ATXN7L1: variants seen among roughly 807,000 people sequenced by gnomAD.
ATXN7L1 encodes ataxin-7-like protein 1.
Under a neutral mutation model 70.8 loss-of-function variants are expected in ATXN7L1, and 15 were observed. The observed-to-expected ratio is 0.21, with a 90% confidence interval of 0.14 to 0.33. The LOEUF (loss-of-function observed/expected upper bound fraction) is 0.33. ATXN7L1 is among the 10% of genes least tolerant of loss of function. ATXN7L1 has a pLI of 1.00. For missense variants in ATXN7L1, 975 were observed against 1,097.1 expected (o/e 0.89, Z 1.57); for synonymous variants, 440 against 445.1 (o/e 0.99, Z 0.14).
chr7:105,704,540 C>T (rs936638315), intron 3 of ATXN7L1, among the ~76,000 whole-genome samples: 2 of 151,626 alleles, frequency 1.3e-5, no homozygotes, highest in African/African-American at 4.8e-5. Flanking sequence ...TATCATCACC[C>T]CCATGTTTGG....
At chr7:105,767,986 T>C (rs1434379510) in intron 3 of ATXN7L1, among the ~76,000 whole-genome samples, 1 of 152,234 alleles carries the variant, frequency 6.6e-6, no homozygotes, top group African/African-American at 2.4e-5. Context: ...GCCAGACGTC[T>C]AAACGTTTGT....
At chr7:105,705,533 C>T (rs976860662) in intron 3 of ATXN7L1, among the ~76,000 whole-genome samples, 9 of 152,130 alleles carry the variant, frequency 5.9e-5, no homozygotes, top group Non-Finnish European at 1.5e-5. Context: ...AGGGCCTCTC[C>T]TATCTTTGAG....
At chr7:105,681,881 T>A (rs1234969532) in intron 3 of ATXN7L1, among the ~76,000 whole-genome samples, 1 of 151,870 alleles carries the variant, frequency 6.6e-6, no homozygotes, top group East Asian at 1.9e-4. Flanking sequence ...GGAGGAGGAA[T>A]GGGGAGTTAT....
chr7:105,645,295 A>G (rs915853704), intron 4 of ATXN7L1, among the ~76,000 whole-genome samples: 1 of 152,246 alleles, frequency 6.6e-6, no homozygotes, highest in Non-Finnish European at 1.5e-5. Flanking sequence ...TTTTACATGT[A>G]CAAACTAAAA....
At chr7:105,848,609 T>C (rs1237519254) in intron 2 of ATXN7L1, among the ~76,000 whole-genome samples, 1 of 152,174 alleles carries the variant, frequency 6.6e-6, no homozygotes, top group Non-Finnish European at 1.5e-5. Flanking sequence ...CCCATTTTTG[T>C]AAGTTACAGG....
intron 7 of ATXN7L1, among the ~76,000 whole-genome samples, chr7:105,635,844 G>GT (rs202036365): frequency 0.038 from 5,342 of 140,072 alleles, 134 homozygotes; most frequent in East Asian, 0.12. Context: ...ATGTGCGATA[G>GT]TTTTTTTTTT....
intron 2 of ATXN7L1, among the ~76,000 whole-genome samples, chr7:105,848,253 GGGAAAACA>G (rs1814356746): frequency 6.6e-6 from 1 of 152,122 alleles, no homozygotes; most frequent in South Asian, 2.1e-4. Context: ...GGCCAGAGTT[GGGAAAACA>G]GCCACTCTCA....
intron 3 of ATXN7L1, among the ~76,000 whole-genome samples, chr7:105,677,195 T>C (rs537940525): frequency 1.8e-4 from 28 of 152,348 alleles, no homozygotes; most frequent in African/African-American, 6.5e-4. Flanking sequence ...GTGATTTTCA[T>C]GCTCCATGAG....
chr7:105,664,359 C>A (rs895456506), intron 4 of ATXN7L1, among the ~76,000 whole-genome samples: 2 of 151,462 alleles, frequency 1.3e-5, no homozygotes. Flanking sequence ...TTCTTAGACA[C>A]AACTTGGCTC....
At chr7:105,828,003 A>G (rs1314259001) in intron 2 of ATXN7L1, among the ~76,000 whole-genome samples, 2 of 151,766 alleles carry the variant, frequency 1.3e-5, no homozygotes, top group Non-Finnish European at 2.9e-5. Context: ...AATTTAGGGG[A>G]AAAAAAACAA....
At chr7:105,666,670 G>T (rs903004046) in intron 3 of ATXN7L1, among the ~76,000 whole-genome samples, 2 of 152,182 alleles carry the variant, frequency 1.3e-5, no homozygotes, top group African/African-American at 4.8e-5. Context: ...CAATTGCTGG[G>T]TTTCTTTGCT....
intron 2 of ATXN7L1, among the ~76,000 whole-genome samples, chr7:105,858,597 CA>C (rs1816080959): frequency 6.6e-6 from 1 of 152,180 alleles, no homozygotes; most frequent in Admixed American, 6.5e-5. Context: ...ACAACGTTTG[CA>C]ATGGGCAGCA....
intron 3 of ATXN7L1, chr7:105,678,101 T>C (rs1804990336): frequency 1.2e-6 from 1 of 822,670 alleles, no homozygotes; most frequent in Non-Finnish European, 1.5e-6. Context: ...ACTTTTTTTT[T>C]TTTTTTTTCC....
chr7:105,786,908 C>T (rs918070415), intron 3 of ATXN7L1, among the ~76,000 whole-genome samples: 6 of 152,196 alleles, frequency 3.9e-5, no homozygotes, highest in Non-Finnish European at 5.9e-5. Flanking sequence ...GAATGAAAAT[C>T]ATATTCAGGA....
At chr7:105,610,649 G>A in intron 10 of ATXN7L1, 46 bp from the exon 11 acceptor site, 1 of 1,506,460 alleles carries the variant, frequency 6.6e-7, no homozygotes. Flanking sequence ...GAGCCAGCCT[G>A]GGAAGGGCCC....
At chr7:105,672,722 A>C (rs1172835158) in intron 3 of ATXN7L1, among the ~76,000 whole-genome samples, 1 of 152,180 alleles carries the variant, frequency 6.6e-6, no homozygotes, top group Non-Finnish European at 1.5e-5. Context: ...AATCTGAAAG[A>C]GCCAGCGGGA....
At chr7:105,841,372 C>T (rs1385200016) in intron 2 of ATXN7L1, among the ~76,000 whole-genome samples, 2 of 152,232 alleles carry the variant, frequency 1.3e-5, no homozygotes, top group African/African-American at 4.8e-5. Flanking sequence ...CTTGCTTATC[C>T]ACGGTTTCAC....
At chr7:105,848,370 C>T (rs1814377003) in intron 2 of ATXN7L1, among the ~76,000 whole-genome samples, 1 of 152,160 alleles carries the variant, frequency 6.6e-6, no homozygotes, top group African/African-American at 2.4e-5. Flanking sequence ...TTAGACTCAG[C>T]ATTCCACTTC....
In ATXN7L1 at chr7:105,865,591, T is replaced by C. The variant is rs544312370; in HGVS notation, c.250+10221A>G. On this transcript the variant is annotated intron_variant, in intron 2 of 11. Transcript: ENST00000419735. ...TAATTTTTTGTATTTTGAGTAGAGA[T>C]GGGGTTTCACCGTGTTAGCCAGGAT... Among the ~76,000 whole-genome samples the C allele has an allele frequency of 3.9e-5, 6 of 152,176 alleles. No homozygotes were observed. In the East Asian group the frequency reaches 5.8e-4, roughly 15 times the overall value.
Sources: gnomAD v4.1 joint callset for allele counts (sites outside exome capture counted in the v4.1 genomes callset) on GRCh38, gnomAD v4.1.1 for gene constraint, MANE v1.5 for transcripts, NCBI Gene and HGNC (gene_info 2026-07-23, HGNC 2026-07-21) for gene names.